Variants in PKIB observed in about 807,000 individuals in gnomAD.
PKIB encodes the protein cAMP-dependent protein kinase inhibitor beta.
PKIB carries 2 observed loss-of-function variants against 4.5 expected under a neutral mutation model. That is an observed-to-expected ratio of 0.44 (90% CI 0.18 to 1.39). The LOEUF is 1.39. PKIB is among the 40% of genes most tolerant of loss of function. The pLI is 0.27. For synonymous variants in PKIB, 38 were observed against 36.0 expected (o/e 1.06, Z -0.20); for missense variants, 94 against 92.6 (o/e 1.02, Z -0.06).
rs1775773623 is a variant in PKIB, at chr6:122,633,269, T to TTTGTTTCC, written c.-160-11_-160-4dup. On this transcript the variant is annotated splice_polypyrimidine_tract_variant and intron_variant, in intron 1 of 4. Coordinates refer to ENST00000368452, the MANE Select transcript of PKIB (RefSeq NM_181795.3). ...TTATCTTAATAAATCTGTTCCTGCCTTTGTTTCCTTCAGGAGTCATGCTAT... is the reference window on the plus strand; with the variant it reads ...TTATCTTAATAAATCTGTTCCTGCCTTTGTTTCCTTGTTTCCTTCAGGAGTCATGCTAT... 1 of 152,224 alleles carries TTTGTTTCC rather than the reference T, an allele frequency of 6.6e-6. No individual in the cohort carries two copies. The allele number at this position is 152,224 out of a possible 1,614,324, so 9.4% of individuals were successfully genotyped here.
intron 1 of PKIB, among the ~76,000 whole-genome samples, chr6:122,626,187 A>C (rs1181576530): frequency 6.6e-6 from 1 of 152,230 alleles, no homozygotes; most frequent in African/African-American, 2.4e-5. Flanking sequence ...ACACTTACTA[A>C]TCAATATACT....
chr6:122,661,621 C>T (rs569118401), intron 2 of PKIB, among the ~76,000 whole-genome samples: 1 of 151,986 alleles, frequency 6.6e-6, no homozygotes, highest in South Asian at 2.1e-4. Flanking sequence ...GTGTTTTTTC[C>T]ACTTTTTGGC....
rs567675302 is a variant in PKIB, at chr6:122,587,170, T to TC, written c.-161+1168dup. The stretch of plus-strand genomic sequence containing the variant: ...TAGGTAGATCTCCTAATGCTATCCC[T>TC]CCCCCGTCCTCCCACTCCACAATAG... On this transcript the variant is annotated intron_variant, in intron 3 of 6. Transcript: ENST00000392491. 2.6e-5 allele frequency among the ~76,000 whole-genome samples: 4 copies of TC among 152,176 alleles called. No homozygotes were observed. In the South Asian group the frequency reaches 6.2e-4, roughly 24 times the overall value.
chr6:122,560,770 A>G (rs1436324405), intron 2 of PKIB, among the ~76,000 whole-genome samples: 2 of 151,808 alleles, frequency 1.3e-5, no homozygotes, highest in Non-Finnish European at 2.9e-5. Flanking sequence ...TTAAGTTAAG[A>G]GGGTTGTATT....
At position 122,524,108 on chromosome 6, in the gene PKIB, TCTTCTTC is replaced by T. The variant is rs551172229; in HGVS notation, c.-248+46182_-248+46188del. Among the ~76,000 whole-genome samples the T allele has an allele frequency of 3.1e-4, 47 of 152,090 alleles. 1 individual carries two copies. In the South Asian group the frequency reaches 9.0e-3, roughly 29 times the overall value. On this transcript the variant is annotated intron_variant, in intron 2 of 6. Transcript: ENST00000392491. ...TATAGATTTCTTCTTCTTTCTTCTC[TCTTCTTC>T]CTTCTTCCTTCTCCTCCTCCTTCCT...
intron 3 of PKIB, among the ~76,000 whole-genome samples, chr6:122,696,691 G>A (rs1156831439): frequency 6.6e-6 from 1 of 152,152 alleles, no homozygotes; most frequent in African/African-American, 2.4e-5. Context: ...CAACCTTAAA[G>A]TCCAGAGATG....
intron 2 of PKIB, among the ~76,000 whole-genome samples, chr6:122,498,307 C>G (rs1776132930): frequency 6.6e-6 from 1 of 152,114 alleles, no homozygotes; most frequent in African/African-American, 2.4e-5. Flanking sequence ...TTTTTAAAAC[C>G]AGTAGATCTC....
At chr6:122,586,707 G>A (rs192863286) in intron 3 of PKIB, among the ~76,000 whole-genome samples, 104 of 152,132 alleles carry the variant, frequency 6.8e-4, no homozygotes, top group Admixed American at 2.6e-3. Flanking sequence ...CCTTATAATT[G>A]ATGATATAGC....
chr6:122,646,736 A>G (rs1326320201), intron 2 of PKIB, among the ~76,000 whole-genome samples: 1 of 152,210 alleles, frequency 6.6e-6, no homozygotes, highest in Non-Finnish European at 1.5e-5. Context: ...TTTTTCTGTC[A>G]TAAAATATAG....
At chr6:122,676,395 C>G (rs1777674747) in intron 3 of PKIB, among the ~76,000 whole-genome samples, 2 of 152,096 alleles carry the variant, frequency 1.3e-5, no homozygotes, top group African/African-American at 4.8e-5. Flanking sequence ...TGGCCCAGTT[C>G]CTAACAGGCC....
In PKIB at chr6:122,725,432, A is replaced by G; in HGVS notation, c.*237A>G. 1 of 458,784 alleles carries G rather than the reference A, an allele frequency of 2.2e-6. No individual in the cohort carries two copies. Among genetic ancestry groups the G allele is most frequent in the South Asian group, 4.3e-5 (1 of 23,086 alleles). The allele number at this position is 458,784 out of a possible 1,614,324, so 28.4% of individuals were successfully genotyped here. ...CGCACTGAAGGAAAAGGTTAAGAAT[A>G]ATACATGATCACAGAAATGCATACC... is the stretch of plus-strand genomic sequence containing the variant. On this transcript the variant is annotated 3_prime_UTR_variant, in exon 5 of 5. Coordinates refer to ENST00000368452, the MANE Select transcript of PKIB (RefSeq NM_181795.3).
chr6:122,695,822 G>A (rs1778548680), intron 3 of PKIB, among the ~76,000 whole-genome samples: 1 of 152,032 alleles, frequency 6.6e-6, no homozygotes, highest in Non-Finnish European at 1.5e-5. Context: ...TATTTCAGTT[G>A]TTTCTTTTGA....
intron 2 of PKIB, among the ~76,000 whole-genome samples, chr6:122,530,551 C>T (rs1014474384): frequency 3.9e-5 from 6 of 152,138 alleles, no homozygotes; most frequent in Non-Finnish European, 8.8e-5. Flanking sequence ...CAACCACCCT[C>T]TCCCAGTTAT....
chr6:122,552,269 A>G (rs1186406603), intron 2 of PKIB, among the ~76,000 whole-genome samples: 1 of 152,142 alleles, frequency 6.6e-6, no homozygotes, highest in Non-Finnish European at 1.5e-5. Context: ...TAGTGCAGGT[A>G]ACTTCTCTGG....
chr6:122,698,222 CA>C (rs1331463366), intron 3 of PKIB, among the ~76,000 whole-genome samples: 1 of 152,120 alleles, frequency 6.6e-6, no homozygotes, highest in African/African-American at 2.4e-5. Context: ...CAGTTGATCC[CA>C]GGGGGCTCTC....
intron 2 of PKIB, among the ~76,000 whole-genome samples, chr6:122,529,685 G>A (rs1211983577): frequency 6.6e-5 from 10 of 151,940 alleles, no homozygotes; most frequent in Admixed American, 6.6e-4. Context: ...TTGAAGGATG[G>A]GATGTTTTTG....
At chr6:122,684,402 A>T (rs1778016222) in intron 3 of PKIB, among the ~76,000 whole-genome samples, 1 of 152,168 alleles carries the variant, frequency 6.6e-6, no homozygotes, top group Non-Finnish European at 1.5e-5. Context: ...CCCTAAGCAC[A>T]ATAAAGACCT....
intron 3 of PKIB, among the ~76,000 whole-genome samples, chr6:122,685,447 A>G (rs531295679): frequency 6.6e-6 from 1 of 152,308 alleles, no homozygotes; most frequent in East Asian, 1.9e-4. Flanking sequence ...CTATAAAAAA[A>G]GAAATACTCA....
At chr6:122,609,322 AG>A (rs1266463989), upstream of PKIB, among the ~76,000 whole-genome samples, 204 of 152,364 alleles carry the variant, frequency 1.3e-3, no homozygotes, top group African/African-American at 4.8e-3. Flanking sequence ...CCTTGTTCAA[AG>A]TATCTAACCT....
Sources: gnomAD v4.1 joint callset for allele counts (sites outside exome capture counted in the v4.1 genomes callset) on GRCh38, gnomAD v4.1.1 for gene constraint, MANE v1.5 for transcripts, NCBI Gene and HGNC (gene_info 2026-07-23, HGNC 2026-07-21) for gene names.